Variants in LPIN1 observed in about 807,000 individuals in gnomAD.
The protein encoded by LPIN1 is phosphatidate phosphatase LPIN1.
LPIN1 carries 71 observed loss-of-function variants against 107.5 expected under a neutral mutation model. The observed-to-expected ratio is 0.66, with a 90% CI of 0.55 to 0.80. The LOEUF is 0.80. Among genes scored for constraint, LPIN1 ranks in the 30% least tolerant of loss-of-function variants. The pLI is 0.00. For missense variants in LPIN1, 1,043 were observed against 1,160.6 expected, an observed-to-expected ratio of 0.90 and a Z score of 1.47; for synonymous variants, 445 against 452.6, an observed-to-expected ratio of 0.98 and a Z score of 0.21.
chr2:11,775,709 C>T (rs1672551953), intron 5 of LPIN1, among the ~76,000 whole-genome samples: 1 of 151,590 alleles, frequency 6.6e-6, no homozygotes, highest in African/African-American at 2.4e-5. Flanking sequence ...TTTTGTGTCT[C>T]AGAAAATTCA....
intron 1 of LPIN1, among the ~76,000 whole-genome samples, chr2:11,708,725 A>AG (rs869064961): frequency 6.6e-6 from 1 of 152,126 alleles, no homozygotes; most frequent in South Asian, 2.1e-4. Flanking sequence ...TGACCCAAAG[A>AG]GGGGGAAAAA....
intron 1 of LPIN1, among the ~76,000 whole-genome samples, chr2:11,759,011 T>G (rs1417512828): frequency 6.6e-6 from 1 of 152,200 alleles, no homozygotes; most frequent in Non-Finnish European, 1.5e-5. Context: ...TTGGAACGGA[T>G]AGAGCTGGAA....
intron 1 of LPIN1, chr2:11,741,320 A>T: frequency 6.7e-7 from 1 of 1,483,196 alleles, no homozygotes; most frequent in Non-Finnish European, 9.1e-7. Context: ...GAAAAAGAAC[A>T]TTTTGTGAAT....
At chr2:11,688,748 G>A (rs2148505589) in intron 1 of LPIN1, among the ~76,000 whole-genome samples, 1 of 152,316 alleles carries the variant, frequency 6.6e-6, no homozygotes, top group Middle Eastern at 3.4e-3. Flanking sequence ...ATTCTTGAGT[G>A]AATTCTCTTT....
intron 1 of LPIN1, among the ~76,000 whole-genome samples, chr2:11,749,747 G>T (rs1416442609): frequency 6.6e-6 from 1 of 152,206 alleles, no homozygotes; most frequent in Non-Finnish European, 1.5e-5. Flanking sequence ...TGAGAGGTTG[G>T]GAGGAACCAG....
At chr2:11,818,660 T>A (rs1558308134) in intron 18 of LPIN1, 2 of 152,086 alleles carry the variant, frequency 1.3e-5, no homozygotes, top group South Asian at 4.1e-4. Context: ...ATAACTTTTA[T>A]TTATTTTTCT....
chr2:11,760,113 C>T (rs1324985476), intron 1 of LPIN1, among the ~76,000 whole-genome samples: 1 of 151,804 alleles, frequency 6.6e-6, no homozygotes, highest in Non-Finnish European at 1.5e-5. Context: ...CCCCACATCT[C>T]AGACGATGGG....
At chr2:11,805,341 C>T in intron 17 of LPIN1, 185 bp downstream of exon 17, 3 of 661,360 alleles carry the variant, frequency 4.5e-6, no homozygotes, top group Non-Finnish European at 8.2e-6. Flanking sequence ...CCCAGCAACT[C>T]CAAATTTGAA....
At chr2:11,751,861 C>T (rs1398547031) in intron 1 of LPIN1, among the ~76,000 whole-genome samples, 1 of 151,992 alleles carries the variant, frequency 6.6e-6, no homozygotes, top group East Asian at 1.9e-4. Context: ...CAAAACAAAA[C>T]AAAACAAACA....
chr2:11,721,093 A>G (rs1444262882), upstream of LPIN1, among the ~76,000 whole-genome samples: 1 of 152,070 alleles, frequency 6.6e-6, no homozygotes, highest in Non-Finnish European at 1.5e-5. Context: ...CTTCACTTCC[A>G]CGTCCCCAGG....
intron 6 of LPIN1, among the ~76,000 whole-genome samples, chr2:11,779,194 G>A (rs1366697710): frequency 6.6e-6 from 1 of 152,216 alleles, no homozygotes; most frequent in Non-Finnish European, 1.5e-5. Context: ...GGTGGGGAAG[G>A]GTGGTCTTTT....
At chr2:11,792,244 T>G in intron 13 of LPIN1, 1 of 477,386 alleles carries the variant, frequency 2.1e-6, no homozygotes. Flanking sequence ...TGGGAGACTG[T>G]GGTCCAGTCA....
At chr2:11,796,791 C>T (rs77683019) in intron 14 of LPIN1, among the ~76,000 whole-genome samples, 5,633 of 152,272 alleles carry the variant, frequency 0.037, 380 homozygotes, top group African/African-American at 0.13. Context: ...ACATGCCACC[C>T]TCTGAGCAGC....
intron 3 of LPIN1, among the ~76,000 whole-genome samples, chr2:11,769,317 C>T (rs978659114): frequency 4.6e-5 from 7 of 152,290 alleles, no homozygotes; most frequent in Middle Eastern, 3.4e-3. Context: ...TAATAACCAG[C>T]GGTATCTGAC....
intron 3 of LPIN1, among the ~76,000 whole-genome samples, chr2:11,768,261 C>G (rs189041179): frequency 1.3e-5 from 2 of 152,326 alleles, no homozygotes; most frequent in Non-Finnish European, 2.9e-5. Flanking sequence ...ATCACATATA[C>G]ACAATTTACC....
At chr2:11,800,875 A>G (rs924907867) in intron 14 of LPIN1, among the ~76,000 whole-genome samples, 3 of 152,180 alleles carry the variant, frequency 2.0e-5, no homozygotes, top group African/African-American at 7.2e-5. Context: ...CTCCTTGTAT[A>G]TATACTGGGT....
intron 18 of LPIN1, chr2:11,816,565 C>T (rs1350853219): frequency 6.6e-6 from 1 of 152,082 alleles, no homozygotes; most frequent in East Asian, 1.9e-4. Flanking sequence ...ATTTTAAAAA[C>T]CCTAAATCTC....
intron 12 of LPIN1, among the ~76,000 whole-genome samples, chr2:11,789,680 G>A (rs1675355313): frequency 6.6e-6 from 1 of 152,188 alleles, no homozygotes; most frequent in Non-Finnish European, 1.5e-5. Flanking sequence ...GTTCTCCAGA[G>A]TGGTTTTTAT....
chr2:11,758,123 A>G (rs1382498876), intron 1 of LPIN1, among the ~76,000 whole-genome samples: 1 of 152,204 alleles, frequency 6.6e-6, no homozygotes, highest in Non-Finnish European at 1.5e-5. Flanking sequence ...AAGGCTCAGT[A>G]ATAGTCCATG....
Sources: allele counts gnomAD v4.1 joint callset (sites outside exome capture counted in the v4.1 genomes callset), GRCh38; gene constraint gnomAD v4.1.1; transcripts MANE v1.5; gene names NCBI Gene and HGNC (gene_info 2026-07-23, HGNC 2026-07-21).